Variants in STK3 observed in about 807,000 individuals in gnomAD.
STK3 encodes the protein serine/threonine-protein kinase 3.
A neutral mutation model predicts 58.0 loss-of-function variants in STK3; 41 were observed. The observed-to-expected ratio is 0.71, with a 90% CI of 0.55 to 0.92. The LOEUF is 0.92. Among genes scored for constraint, STK3 ranks in the 40% least tolerant of loss-of-function variants. The probability of loss-of-function intolerance (pLI) is 0.00; values close to 1 mark genes in which losing one functional copy is unlikely to be tolerated. For missense variants in STK3, 479 were observed against 602.7 expected, an observed-to-expected ratio of 0.79 and a Z score of 2.15; for synonymous variants, 170 against 191.0, an observed-to-expected ratio of 0.89 and a Z score of 0.91.
intron 3 of STK3, among the ~76,000 whole-genome samples, chr8:98,402,287 T>C (rs1450830903): frequency 6.6e-6 from 1 of 152,148 alleles, no homozygotes; most frequent in Non-Finnish European, 1.5e-5. Flanking sequence ...CATTCAGCCA[T>C]AGCAGAATCT....
chr8:98,749,857 T>C (rs962697238), intron 3 of STK3, among the ~76,000 whole-genome samples: 73 of 152,134 alleles, frequency 4.8e-4, no homozygotes, highest in African/African-American at 1.6e-3. Flanking sequence ...AAAAAAATTA[T>C]AAATTTTTCT....
At position 98,428,090 on chromosome 8, in the gene STK3, C is replaced by T. The variant is rs1323269591; in HGVS notation, n.483+6037G>A. On this transcript the variant is annotated intron_variant and non_coding_transcript_variant, in intron 3 of 3. Coordinates refer to the STK3 transcript ENST00000517832. The surrounding 1 kb of genome is among the most constrained non-coding windows in gnomAD (Gnocchi z 6.7). ...GGCTGCGCTCGCACACGCTGCTGCG[C>T]TTCCCCGAGACGCGCCTGGGCCGCT... The T allele has an allele frequency of 1.2e-6, 2 of 1,613,738 alleles. No homozygotes were observed. Among genetic ancestry groups the T allele is most frequent in the Non-Finnish European group, 1.7e-6 (2 of 1,180,010 alleles).
At chr8:98,517,361 C>T (rs369983348) in intron 10 of STK3, among the ~76,000 whole-genome samples, 1 of 151,944 alleles carries the variant, frequency 6.6e-6, no homozygotes, top group Non-Finnish European at 1.5e-5. Context: ...CTAATGAGGG[C>T]TTTCTATTTT....
At chr8:98,873,922 A>G (rs565853852) in intron 3 of STK3, among the ~76,000 whole-genome samples, 8 of 152,246 alleles carry the variant, frequency 5.3e-5, no homozygotes, top group African/African-American at 1.9e-4. Context: ...TAGTTGATGC[A>G]GTTTCTTCCC....
At chr8:98,448,000 GAA>G (rs766748965) in intron 1 of STK3, among the ~76,000 whole-genome samples, 4 of 134,108 alleles carry the variant, frequency 3.0e-5, no homozygotes, top group South Asian at 2.4e-4. Context: ...AATATAAACT[GAA>G]AAAAAAAAAG....
chr8:98,832,053 A>C (rs1415792166), intron 3 of STK3, among the ~76,000 whole-genome samples: 1 of 152,176 alleles, frequency 6.6e-6, no homozygotes, highest in Non-Finnish European at 1.5e-5. Context: ...TGATTTAAGA[A>C]TCACAAGGTT....
intron 10 of STK3, among the ~76,000 whole-genome samples, chr8:98,520,577 A>G (rs1586764532): frequency 6.6e-6 from 1 of 152,146 alleles, no homozygotes; most frequent in Non-Finnish European, 1.5e-5. Flanking sequence ...CATTTTCCTC[A>G]AGGCAGAAGG....
intron 6 of STK3, among the ~76,000 whole-genome samples, chr8:98,603,843 A>G (rs1198951802): frequency 6.6e-6 from 1 of 152,098 alleles, no homozygotes; most frequent in Non-Finnish European, 1.5e-5. Flanking sequence ...AGAATGAATA[A>G]TGCCCCCACC....
chr8:98,750,042 T>A (rs1285697437), intron 3 of STK3, among the ~76,000 whole-genome samples: 2 of 152,100 alleles, frequency 1.3e-5, no homozygotes, highest in Non-Finnish European at 2.9e-5. Flanking sequence ...TAGTGATGTA[T>A]GAGAAATCTA....
At chr8:98,370,161 C>T (rs113484319), downstream of STK3, among the ~76,000 whole-genome samples, 69 of 150,386 alleles carry the variant, frequency 4.6e-4, no homozygotes, top group African/African-American at 1.5e-3. Context: ...CCCATCAAGC[C>T]TCTCCCTAAC....
chr8:98,730,251 C>T (rs1828078270), intron 4 of STK3, among the ~76,000 whole-genome samples: 1 of 152,142 alleles, frequency 6.6e-6, no homozygotes, highest in South Asian at 2.1e-4. Context: ...CCACCACCAG[C>T]CTTCAAGAAA....
intron 10 of STK3, among the ~76,000 whole-genome samples, chr8:98,469,278 G>T (rs1820733487): frequency 1.3e-5 from 2 of 150,930 alleles, no homozygotes; most frequent in African/African-American, 2.4e-5. Flanking sequence ...GTCTGAGAAT[G>T]GCGCCAAATT....
At chr8:98,938,240 A>AT (rs755634744) in intron 1 of STK3, among the ~76,000 whole-genome samples, 1 of 152,140 alleles carries the variant, frequency 6.6e-6, no homozygotes, top group Non-Finnish European at 1.5e-5. Flanking sequence ...AGTGCCTTCT[A>AT]TTGTTCACTG....
At chr8:98,734,191 A>G (rs1258962944) in intron 4 of STK3, among the ~76,000 whole-genome samples, 1 of 152,178 alleles carries the variant, frequency 6.6e-6, no homozygotes, top group Admixed American at 6.5e-5. Context: ...TCCCTCCCCG[A>G]ACACTGGGGA....
At chr8:98,382,991 A>T (rs1338126017) in intron 1 of STK3, among the ~76,000 whole-genome samples, 2 of 152,132 alleles carry the variant, frequency 1.3e-5, no homozygotes, top group Non-Finnish European at 2.9e-5. Context: ...TTACTCTGGG[A>T]ACCTTCTCTG....
intron 6 of STK3, among the ~76,000 whole-genome samples, chr8:98,700,684 T>C (rs774481681): frequency 6.6e-6 from 1 of 152,246 alleles, no homozygotes; most frequent in Non-Finnish European, 1.5e-5. Flanking sequence ...TTTAAAGTTA[T>C]AAACATTCAG....
intron 3 of STK3, among the ~76,000 whole-genome samples, chr8:98,846,219 C>T (rs1042671315): frequency 7.2e-5 from 11 of 152,132 alleles, no homozygotes; most frequent in African/African-American, 1.9e-4. Flanking sequence ...CTGATGTACA[C>T]GAAGTCTCAT....
intron 7 of STK3, among the ~76,000 whole-genome samples, chr8:98,590,460 G>A (rs1006320203): frequency 6.6e-6 from 1 of 152,160 alleles, no homozygotes; most frequent in African/African-American, 2.4e-5. Flanking sequence ...CAGAGTTCCA[G>A]GGGCTCTGGG....
intron 1 of STK3, among the ~76,000 whole-genome samples, chr8:98,920,551 C>T (rs562441411): frequency 1.3e-5 from 2 of 152,322 alleles, no homozygotes; most frequent in East Asian, 3.9e-4. Flanking sequence ...TTTTATGTTG[C>T]CACAAGTGGT....
Sources: gnomAD v4.1 joint callset for allele counts (sites outside exome capture counted in the v4.1 genomes callset) on GRCh38, gnomAD v4.1.1 for gene constraint, Gnocchi (gnomAD v3.1) non-coding constraint, MANE v1.5 for transcripts, NCBI Gene and HGNC (gene_info 2026-07-23, HGNC 2026-07-21) for gene names.